Variants in CNGA3 observed in about 807,000 individuals in gnomAD.
CNGA3 encodes the protein cyclic nucleotide gated channel subunit alpha 3, also known as cyclic nucleotide-gated channel alpha-3.
CNGA3 carries 42 observed loss-of-function variants against 46.6 expected under a neutral mutation model. The ratio of observed to expected loss-of-function variants is 0.90; its 90% CI spans 0.70 to 1.17. The LOEUF is 1.17. Ranked by LOEUF, CNGA3 falls within the 50% of genes most tolerant of loss-of-function variation. The pLI, the probability that CNGA3 is intolerant of heterozygous loss-of-function variation, is 0.00. For synonymous variants in CNGA3, 394 were observed against 369.4 expected (o/e 1.07, Z -0.76); for missense variants, 893 against 890.7 (o/e 1.00, Z -0.03).
intron 1 of CNGA3, among the ~76,000 whole-genome samples, chr2:98,347,569 A>G (rs1691665045): frequency 1.3e-5 from 2 of 152,152 alleles, no homozygotes; most frequent in Admixed American, 1.3e-4. Flanking sequence ...GTGAGGGAGG[A>G]TGAATGGCGC....
At chr2:98,387,415 G>A (rs754953191) in intron 5 of CNGA3, among the ~76,000 whole-genome samples, 11 of 152,158 alleles carry the variant, frequency 7.2e-5, no homozygotes, top group Non-Finnish European at 1.5e-4. Flanking sequence ...AATCAGAGGG[G>A]CCTGAAGGGG....
chr2:98,378,491 CCA>C (rs1464521892), intron 3 of CNGA3, among the ~76,000 whole-genome samples: 1 of 152,182 alleles, frequency 6.6e-6, no homozygotes, highest in African/African-American at 2.4e-5. Context: ...TTTTCCAATG[CCA>C]GAGTCTTACA....
At chr2:98,351,394 T>A (rs1045744986) in intron 1 of CNGA3, among the ~76,000 whole-genome samples, 1 of 152,140 alleles carries the variant, frequency 6.6e-6, no homozygotes, top group African/African-American at 2.4e-5. Flanking sequence ...AGTGAATAAG[T>A]CTCATGAGAT....
chr2:98,385,092 T>C (rs532770459), intron 5 of CNGA3, among the ~76,000 whole-genome samples: 1 of 152,272 alleles, frequency 6.6e-6, no homozygotes, highest in African/African-American at 2.4e-5. Flanking sequence ...CTGGGTGGAT[T>C]TGGGGATGCA....
chr2:98,379,920 G>A (rs896681691), intron 3 of CNGA3: 2 of 570,210 alleles, frequency 3.5e-6, no homozygotes, highest in African/African-American at 3.8e-5. Context: ...AATAAAGAGA[G>A]TGTCCCTTTC....
chr2:98,380,240 G>C lies in CNGA3; in HGVS notation c.281G>C (p.Gly94Ala). 1 of 1,614,092 alleles carries C rather than the reference G, an allele frequency of 6.2e-7. No homozygotes were observed. The highest frequency in any genetic ancestry group is 1.3e-5 in the African/African-American group (1 of 74,934). ...AGGCATGTGCACCACCAGGACCAGG[G>C]ACCGGACTCTTTTCCTGATCGTTTC... ...AARHVHHQDQ[G>A]PDSFPDRFRG... The change falls in exon 4 of 8, where the codon GGA (glycine) becomes GCA (alanine). Residue 94 changes from glycine to alanine, a missense_variant. By Grantham distance (60) the Gly-to-Ala change is moderately conservative (BLOSUM62 0). Coordinates refer to ENST00000272602, the MANE Select transcript of CNGA3 (RefSeq NM_001298.3).
At chr2:98,356,301 T>A (rs1367581618) in intron 1 of CNGA3, among the ~76,000 whole-genome samples, 3 of 152,136 alleles carry the variant, frequency 2.0e-5, no homozygotes, top group African/African-American at 7.2e-5. Context: ...CTGAGAAGGT[T>A]GAGTTTTGGA....
At chr2:98,348,104 T>C (rs559025059) in intron 1 of CNGA3, among the ~76,000 whole-genome samples, 1 of 152,260 alleles carries the variant, frequency 6.6e-6, no homozygotes, top group African/African-American at 2.4e-5. Flanking sequence ...GGGAGCTTCT[T>C]TGCGTTCTTT....
intron 1 of CNGA3, among the ~76,000 whole-genome samples, chr2:98,362,691 C>A (rs1045026694): frequency 1.4e-4 from 21 of 152,168 alleles, no homozygotes; most frequent in Non-Finnish European, 2.8e-4. Flanking sequence ...GCTTTTGTTG[C>A]AATTGCTTTT....
intron 7 of CNGA3, among the ~76,000 whole-genome samples, chr2:98,395,317 G>A (rs1465935806): frequency 4.0e-5 from 6 of 151,894 alleles, no homozygotes; most frequent in African/African-American, 1.5e-4. Context: ...TTACAGGGGT[G>A]CACCACCACA....
At chr2:98,371,745 A>G (rs185706139) in intron 2 of CNGA3, among the ~76,000 whole-genome samples, 79 of 152,322 alleles carry the variant, frequency 5.2e-4, no homozygotes, top group African/African-American at 1.8e-3. Context: ...AACAAAGAAC[A>G]CTATTAGGAC....
intron 4 of CNGA3, among the ~76,000 whole-genome samples, chr2:98,381,320 C>T (rs1692532934): frequency 6.6e-6 from 1 of 152,118 alleles, no homozygotes; most frequent in South Asian, 2.1e-4. Flanking sequence ...ATCAAATAAG[C>T]ATGATGGCTG....
At chr2:98,394,695 C>T (rs188068034) in intron 7 of CNGA3, among the ~76,000 whole-genome samples, 2 of 152,202 alleles carry the variant, frequency 1.3e-5, no homozygotes, top group Admixed American at 1.3e-4. Flanking sequence ...CATAAGCAAA[C>T]CCCAGGCAGT....
chr2:98,374,118 T>A (rs1692351961), intron 2 of CNGA3, among the ~76,000 whole-genome samples: 5 of 152,210 alleles, frequency 3.3e-5, no homozygotes, highest in Admixed American at 3.3e-4. Context: ...TCCCCAAAAC[T>A]ATCTTGCTGG....
chr2:98,381,373 T>C (rs1373379198), intron 4 of CNGA3, among the ~76,000 whole-genome samples: 1 of 152,082 alleles, frequency 6.6e-6, no homozygotes, highest in Non-Finnish European at 1.5e-5. Context: ...GAAAAAGCTA[T>C]CTGTATGTCA....
At chr2:98,351,999 C>T (rs1574356272) in intron 1 of CNGA3, among the ~76,000 whole-genome samples, 2 of 152,176 alleles carry the variant, frequency 1.3e-5, no homozygotes, top group East Asian at 3.9e-4. Context: ...TATCCATTAG[C>T]AGTCATTCCT....
At chr2:98,374,392 T>G (rs1008053326) in intron 2 of CNGA3, among the ~76,000 whole-genome samples, 2 of 152,164 alleles carry the variant, frequency 1.3e-5, no homozygotes, top group African/African-American at 4.8e-5. Flanking sequence ...CCACATGGGA[T>G]CTTAGAATAG....
intron 1 of CNGA3, among the ~76,000 whole-genome samples, chr2:98,368,143 A>G (rs1692204813): frequency 6.6e-6 from 1 of 152,268 alleles, no homozygotes; most frequent in Non-Finnish European, 1.5e-5. Context: ...TTAAACTCAT[A>G]GACTTAAACT....
At chr2:98,347,340 G>A (rs981414145) in intron 1 of CNGA3, among the ~76,000 whole-genome samples, 3 of 152,188 alleles carry the variant, frequency 2.0e-5, no homozygotes, top group Admixed American at 2.0e-4. Context: ...TCCCCTAACC[G>A]GATAAAGGCG....
Sources: gnomAD v4.1 joint callset for allele counts (sites outside exome capture counted in the v4.1 genomes callset) on GRCh38, gnomAD v4.1.1 for gene constraint, MANE v1.5 for transcripts, NCBI Gene and HGNC (gene_info 2026-07-23, HGNC 2026-07-21) for gene names.